PRKCE: variants seen among roughly 807,000 people sequenced by gnomAD.
The protein encoded by PRKCE is protein kinase C epsilon type.
Under a neutral mutation model 85.4 loss-of-function variants are expected in PRKCE, and 16 were observed. The ratio of observed to expected loss-of-function variants is 0.19; its 90% confidence interval spans 0.13 to 0.28. The LOEUF is 0.28. Among genes scored for constraint, PRKCE ranks in the 10% least tolerant of loss-of-function variants. The pLI is 1.00. For missense variants in PRKCE, 573 were observed against 975.2 expected, an observed-to-expected ratio of 0.59 and a Z score of 5.49; for synonymous variants, 388 against 371.5, an observed-to-expected ratio of 1.04 and a Z score of -0.51.
chr2:45,691,658 T>C (rs1437993262), intron 1 of PRKCE, among the ~76,000 whole-genome samples: 1 of 152,154 alleles, frequency 6.6e-6, no homozygotes, highest in Non-Finnish European at 1.5e-5. Context: ...AGAGAGACAG[T>C]TTTTATCAGC....
chr2:45,994,922 T>C (rs1704098761), intron 6 of PRKCE, among the ~76,000 whole-genome samples: 1 of 152,214 alleles, frequency 6.6e-6, no homozygotes, highest in African/African-American at 2.4e-5. Flanking sequence ...AAAAAGTTCC[T>C]GTTGCTTCAT....
intron 5 of PRKCE, among the ~76,000 whole-genome samples, chr2:45,982,823 C>G (rs940864358): frequency 1.8e-4 from 28 of 152,216 alleles, no homozygotes; most frequent in African/African-American, 6.0e-4. Context: ...CTTTCCACCC[C>G]CACACTGGAT....
chr2:45,942,952 C>T (rs912445426), intron 2 of PRKCE, among the ~76,000 whole-genome samples: 26 of 152,202 alleles, frequency 1.7e-4, no homozygotes, highest in African/African-American at 5.8e-4. Flanking sequence ...TTATTCTCCA[C>T]TCCCCAGAAG....
Position 45,984,554 on chromosome 2 carries a change from G to T in PRKCE, c.697G>T (p.Gly233Cys). The T allele has an allele frequency of 6.3e-7, 1 of 1,599,564 alleles. No homozygotes were observed. ...CTGTATCTTGCCATCCCTGCAGGTGGGCTCCCAGCGGTTCAGCGTCAACAT... is the reference window on the plus strand; with the variant it reads ...CTGTATCTTGCCATCCCTGCAGGTGTGCTCCCAGCGGTTCAGCGTCAACAT... ...LKKQETPDQV[G>C]SQRFSVNMPH... Residue 233 changes from glycine to cysteine, a missense_variant, in exon 6 of 15, where the codon GGC becomes TGC. Gly to Cys is a radical substitution (Grantham distance 159). This residue lies in a region of PRKCE where 18 missense variants were observed against 17.4 expected (regional missense o/e 1.04). Coordinates refer to ENST00000306156, the MANE Select transcript of PRKCE (RefSeq NM_005400.3).
At chr2:45,771,702 CGTGTGTGTGTGTGTGT>C (rs61209033) in intron 1 of PRKCE, among the ~76,000 whole-genome samples, 37,412 of 146,846 alleles carry the variant, frequency 0.25, 5,368 homozygotes, top group Middle Eastern at 0.37. Flanking sequence ...CAGAGTGGGG[CGTGTGTGTGTGTGTGT>C]GTGTGTGTGT....
chr2:45,817,785 T>C (rs1689200759), intron 1 of PRKCE, among the ~76,000 whole-genome samples: 1 of 152,196 alleles, frequency 6.6e-6, no homozygotes, highest in Admixed American at 6.5e-5. Context: ...ACCCTATAGA[T>C]GGGTGACAAT....
intron 10 of PRKCE, among the ~76,000 whole-genome samples, chr2:46,081,491 A>G (rs551991846): frequency 1.3e-5 from 2 of 152,348 alleles, no homozygotes; most frequent in Admixed American, 1.3e-4. Context: ...GTTATAAATT[A>G]ATTACACAAA....
At chr2:46,142,552 G>A (rs879669151) in intron 11 of PRKCE, among the ~76,000 whole-genome samples, 3 of 152,262 alleles carry the variant, frequency 2.0e-5, no homozygotes, top group Admixed American at 1.3e-4. Context: ...GCAGGAAGAA[G>A]CATTTTGGTC....
intron 10 of PRKCE, among the ~76,000 whole-genome samples, chr2:46,062,914 C>T (rs1161217197): frequency 6.6e-6 from 1 of 152,202 alleles, no homozygotes; most frequent in Non-Finnish European, 1.5e-5. Flanking sequence ...CAGGCATGGG[C>T]CACTGCGCCC....
In PRKCE at chr2:45,752,441, C is replaced by T. The variant is rs1418235832; in HGVS notation, c.349-90559C>T. On this transcript the variant is annotated intron_variant, in intron 1 of 14. Transcript: ENST00000306156. ...CATCTACTGAGATATCGCCCTCCCTCCCCTCCCCACTGTTTAATGGAACTA... is the reference window on the plus strand; with the variant it reads ...CATCTACTGAGATATCGCCCTCCCTTCCCTCCCCACTGTTTAATGGAACTA... Among the ~76,000 whole-genome samples the T allele has an allele frequency of 3.3e-5, 5 of 152,240 alleles. No individual in the cohort carries two copies. The South Asian group carries it at 8.3e-4, about 25-fold the overall frequency.
chr2:46,089,520 T>A (rs771966598), intron 11 of PRKCE, among the ~76,000 whole-genome samples: 1 of 152,232 alleles, frequency 6.6e-6, no homozygotes, highest in Non-Finnish European at 1.5e-5. Context: ...GGTTGTTGCA[T>A]GTTCCCCTTC....
rs1310525531 is a variant in PRKCE, at chr2:45,697,552, T to G, written c.348+45104T>G. 6.6e-6 allele frequency among the ~76,000 whole-genome samples: 1 copy of G among 152,048 alleles called. No homozygotes were observed. The highest frequency in any genetic ancestry group is 2.4e-5 in the African/African-American group (1 of 41,376). ...AACAGGCTCTGCTCTTCACTCAGGG[T>G]GGACTGGTTGGCATCTCTATGTGGG... is the stretch of plus-strand genomic sequence containing the variant. On this transcript the variant is annotated intron_variant, in intron 1 of 14. Coordinates refer to ENST00000306156, the MANE Select transcript of PRKCE (RefSeq NM_005400.3). The surrounding 1 kb of genome is among the most constrained non-coding windows in gnomAD (Gnocchi z 4.2).
chr2:45,949,226 C>T lies in PRKCE; in HGVS notation c.413-27203C>T, dbSNP rs572275059. 6.6e-5 allele frequency among the ~76,000 whole-genome samples: 10 copies of T among 152,326 alleles called. No individual in the cohort carries two copies. The South Asian group carries it at 2.1e-3, about 32-fold the overall frequency. ...ATGGTTACATTAGCTCACATCCCCACCGGCAGTATGCAAGAGTTGCTTTAC... is the reference window on the plus strand; with the variant it reads ...ATGGTTACATTAGCTCACATCCCCATCGGCAGTATGCAAGAGTTGCTTTAC... On this transcript the variant is annotated intron_variant, in intron 2 of 14. Transcript: ENST00000306156.
At chr2:46,025,584 C>T (rs764150374) in intron 10 of PRKCE, among the ~76,000 whole-genome samples, 12 of 152,148 alleles carry the variant, frequency 7.9e-5, no homozygotes, top group African/African-American at 1.7e-4. Flanking sequence ...GTGCCCCTTC[C>T]GGGTCACATA....
At chr2:45,888,876 C>T (rs892520039) in intron 2 of PRKCE, among the ~76,000 whole-genome samples, 2 of 152,080 alleles carry the variant, frequency 1.3e-5, no homozygotes, top group African/African-American at 4.8e-5. Flanking sequence ...ATAAGATTTC[C>T]TCAAGTACAG....
Position 45,931,834 on chromosome 2 carries a change from A to G in PRKCE, c.413-44595A>G, listed in dbSNP as rs552234087. 1.9e-4 allele frequency among the ~76,000 whole-genome samples: 29 copies of G among 152,034 alleles called. No individual in the cohort carries two copies. In the East Asian group the frequency reaches 3.1e-3, roughly 16 times the overall value. ...CGATTCTCGTGCCTCAGCCTCCTCA[A>G]TAGCTGGGACTACAGGCACCTGCTG... On this transcript the variant is annotated intron_variant, in intron 2 of 14. Transcript: ENST00000306156.
In PRKCE at chr2:45,905,996, C is replaced by T. The variant is rs1696944478; in HGVS notation, c.412+62933C>T. Among the ~76,000 whole-genome samples the T allele has an allele frequency of 6.6e-6, 1 of 152,198 alleles. No homozygotes were observed. Among genetic ancestry groups the T allele is most frequent in the Non-Finnish European group, 1.5e-5 (1 of 68,040 alleles). On this transcript the variant is annotated intron_variant, in intron 2 of 14. Transcript: ENST00000306156. This position sits in a 1 kb window ranked among gnomAD's most constrained non-coding sequence, Gnocchi z 4.4. ...GGTGATGCGCTTTCAACCCTCCTCC[C>T]CTACCCACATGACCCGGGTATGGAG...
intron 1 of PRKCE, among the ~76,000 whole-genome samples, chr2:45,713,885 C>G (rs1194761714): frequency 6.6e-6 from 1 of 152,180 alleles, no homozygotes; most frequent in Non-Finnish European, 1.5e-5. Context: ...ACACAAAGGA[C>G]TTTTATTCTA....
chr2:45,670,692 C>A (rs1291208447), intron 1 of PRKCE, among the ~76,000 whole-genome samples: 1 of 152,166 alleles, frequency 6.6e-6, no homozygotes, highest in Non-Finnish European at 1.5e-5. Context: ...TTACATTTTA[C>A]TAACCCAAAC....
Sources: allele counts gnomAD v4.1 joint callset (sites outside exome capture counted in the v4.1 genomes callset), GRCh38; gene constraint gnomAD v4.1.1; regional missense constraint gnomAD v4.1.1; non-coding constraint Gnocchi (gnomAD v3.1); transcripts MANE v1.5; gene names NCBI Gene and HGNC (gene_info 2026-07-23, HGNC 2026-07-21).